The following ST6GALNAC3 variants were observed in gnomAD, a reference collection of about 807,000 sequenced individuals.
ST6GALNAC3 encodes the protein alpha-N-acetylgalactosaminide alpha-2,6-sialyltransferase 3.
ST6GALNAC3 carries 25 observed loss-of-function variants against 32.7 expected under a neutral mutation model. That is an observed-to-expected ratio of 0.76 (90% CI 0.56 to 1.07). The LOEUF is 1.07. ST6GALNAC3 is among the 50% of genes least tolerant of loss of function. ST6GALNAC3 has a pLI of 0.00. For synonymous variants in ST6GALNAC3, 129 were observed against 133.1 expected (o/e 0.97, Z 0.21); for missense variants, 355 against 382.4 (o/e 0.93, Z 0.60).
chr1:76,272,389 A>G (rs945869750), intron 1 of ST6GALNAC3, among the ~76,000 whole-genome samples: 1 of 151,954 alleles, frequency 6.6e-6, no homozygotes. Context: ...AAGTCAGCCT[A>G]TGAACTTCTA....
intron 2 of ST6GALNAC3, among the ~76,000 whole-genome samples, chr1:76,335,034 A>G (rs1647349916): frequency 6.6e-6 from 1 of 152,210 alleles, no homozygotes; most frequent in Non-Finnish European, 1.5e-5. Context: ...CTGTATATAT[A>G]CTTTAAAAAG....
intron 1 of ST6GALNAC3, among the ~76,000 whole-genome samples, chr1:76,268,129 T>C (rs1369625445): frequency 6.6e-6 from 1 of 152,234 alleles, no homozygotes; most frequent in Non-Finnish European, 1.5e-5. Flanking sequence ...GTTCCTCATT[T>C]TGATACAGAT....
chr1:76,576,911 A>G (rs1376873519), intron 3 of ST6GALNAC3: 2 of 1,301,618 alleles, frequency 1.5e-6, no homozygotes, highest in Non-Finnish European at 2.0e-6. Flanking sequence ...CTGCCCCACC[A>G]CAAAAGGAAG....
chr1:76,202,987 T>G (rs879521195), intron 1 of ST6GALNAC3, among the ~76,000 whole-genome samples: 18 of 152,174 alleles, frequency 1.2e-4, no homozygotes, highest in Non-Finnish European at 2.4e-4. Context: ...AGTTCATTTG[T>G]TCTGATTAAT....
At chr1:76,489,292 G>A (rs911547225) in intron 3 of ST6GALNAC3, among the ~76,000 whole-genome samples, 2 of 152,104 alleles carry the variant, frequency 1.3e-5, no homozygotes, top group African/African-American at 4.8e-5. Context: ...GTGTGTGTGT[G>A]TGTGTGTAAA....
intron 3 of ST6GALNAC3, among the ~76,000 whole-genome samples, chr1:76,616,612 A>G (rs750572217): frequency 6.6e-6 from 1 of 152,192 alleles, no homozygotes; most frequent in African/African-American, 2.4e-5. Context: ...AGCCTATTGG[A>G]AAAATGACAG....
chr1:76,527,488 C>G (rs1449618508), intron 3 of ST6GALNAC3, among the ~76,000 whole-genome samples: 4 of 152,026 alleles, frequency 2.6e-5, no homozygotes, highest in Admixed American at 1.3e-4. Context: ...TTCTATATTT[C>G]CCTCCAGTGG....
At chr1:76,260,943 A>G (rs771347876) in intron 1 of ST6GALNAC3, among the ~76,000 whole-genome samples, 1 of 150,780 alleles carries the variant, frequency 6.6e-6, no homozygotes, top group Non-Finnish European at 1.5e-5. Flanking sequence ...AAAATTGTAT[A>G]TATTTATAGT....
rs530985210 is a variant in ST6GALNAC3 at position 76,629,598 on chromosome 1, T to C, written c.*792T>C. 1.0e-6 allele frequency: 1 copy of C among 984,476 alleles called. No homozygotes were observed. Among genetic ancestry groups the C allele is most frequent in the Non-Finnish European group, 1.2e-6 (1 of 828,770 alleles). The allele number at this position is 984,476 out of a possible 1,614,324, so 61.0% of individuals were successfully genotyped here. A position where few individuals can be genotyped will look rare whatever the true frequency, so the allele number is the denominator to read the frequency against. ...TTGAGTGCTAAATATTTCAGAAGGC[T>C]ACTTAACATGTAAGATACCAACTTC... On this transcript the variant is annotated 3_prime_UTR_variant, in exon 5 of 5. Transcript: ENST00000328299.
rs1237951081 is a variant in ST6GALNAC3 at position 76,483,886 on chromosome 1, A to G, written c.623+71469A>G. On this transcript the variant is annotated intron_variant, in intron 3 of 4. Coordinates refer to ENST00000328299, the MANE Select transcript of ST6GALNAC3 (RefSeq NM_152996.4). ...CATTTAAGTCTTCAATCCATCTTGA[A>G]TTAATTTTTGTATACGGTGCAAGGA... Among the ~76,000 whole-genome samples, 6 of 152,298 alleles carry G rather than the reference A, an allele frequency of 3.9e-5. 1 individual carries two copies. The South Asian group carries it at 8.3e-4, about 21-fold the overall frequency.
chr1:76,596,561 A>G (rs889513765), intron 3 of ST6GALNAC3, among the ~76,000 whole-genome samples: 1 of 152,206 alleles, frequency 6.6e-6, no homozygotes, highest in African/African-American at 2.4e-5. Context: ...TTGTATTCTG[A>G]TCTTCGTCAG....
At chr1:76,587,827 G>A (rs960195392) in intron 3 of ST6GALNAC3, among the ~76,000 whole-genome samples, 6 of 152,164 alleles carry the variant, frequency 3.9e-5, no homozygotes, top group African/African-American at 7.2e-5. Flanking sequence ...GCTGGGATTG[G>A]TGAGTGGGAC....
intron 2 of ST6GALNAC3, among the ~76,000 whole-genome samples, chr1:76,324,751 A>G (rs1206963044): frequency 6.6e-6 from 1 of 152,210 alleles, no homozygotes; most frequent in Non-Finnish European, 1.5e-5. Context: ...TATGGACTTG[A>G]GTTAATAATA....
chr1:76,127,703 G>A (rs1260928721), intron 1 of ST6GALNAC3, among the ~76,000 whole-genome samples: 1 of 152,118 alleles, frequency 6.6e-6, no homozygotes, highest in Admixed American at 6.5e-5. Flanking sequence ...CTGGTAATAT[G>A]TCAGCAATGT....
Position 76,629,079 on chromosome 1 carries a change from A to G in ST6GALNAC3, c.*273A>G. 8.4e-7 allele frequency: 1 copy of G among 1,184,572 alleles called. No individual in the cohort carries two copies. The highest frequency in any genetic ancestry group is 2.5e-5 in the South Asian group (1 of 39,786). 73.4% of individuals were successfully genotyped at this position (1,184,572 alleles called of 1,614,324 possible). On this transcript the variant is annotated 3_prime_UTR_variant, in exon 5 of 5. Transcript: ENST00000328299. The stretch of plus-strand genomic sequence containing the variant: ...TGGAATTGAGATGAAGGCCAGTGAC[A>G]TGACAACTGTGACCTAAGAAATGGG...
chr1:76,560,755 C>T (rs1242532889), intron 3 of ST6GALNAC3, among the ~76,000 whole-genome samples: 1 of 152,170 alleles, frequency 6.6e-6, no homozygotes, highest in Non-Finnish European at 1.5e-5. Context: ...TTAGTACAAT[C>T]ACTGTGGAGA....
intron 1 of ST6GALNAC3, among the ~76,000 whole-genome samples, chr1:76,288,183 G>A (rs1415499969): frequency 6.6e-6 from 1 of 152,190 alleles, no homozygotes; most frequent in East Asian, 1.9e-4. Context: ...GAAGCTTTGG[G>A]AGAAAGGTGA....
intron 1 of ST6GALNAC3, among the ~76,000 whole-genome samples, chr1:76,088,291 C>T (rs1334356687): frequency 1.3e-5 from 2 of 152,176 alleles, no homozygotes; most frequent in Non-Finnish European, 2.9e-5. Flanking sequence ...GGTGGTCTGT[C>T]TCCTAGAGCA....
intron 3 of ST6GALNAC3, among the ~76,000 whole-genome samples, chr1:76,600,247 A>T (rs1647202339): frequency 6.6e-6 from 1 of 152,182 alleles, no homozygotes; most frequent in East Asian, 1.9e-4. Flanking sequence ...CCAGGACTCA[A>T]CCATGTAGGC....
Sources: allele counts gnomAD v4.1 joint callset (sites outside exome capture counted in the v4.1 genomes callset), GRCh38; gene constraint gnomAD v4.1.1; transcripts MANE v1.5; gene names NCBI Gene and HGNC (gene_info 2026-07-23, HGNC 2026-07-21).